The following LAMB4 variants were observed in gnomAD, a reference collection of about 807,000 sequenced individuals.
The protein encoded by LAMB4 is laminin subunit beta-4.
A neutral mutation model predicts 199.2 loss-of-function variants in LAMB4; 196 were observed. The ratio of observed to expected loss-of-function variants is 0.98; its 90% confidence interval spans 0.88 to 1.11. LAMB4 has a LOEUF of 1.11. Among genes scored for constraint, LAMB4 ranks in the 50% least tolerant of loss-of-function variants. LAMB4 has a pLI of 0.00. For missense variants in LAMB4, 2,080 were observed against 2,171.2 expected, an observed-to-expected ratio of 0.96 and a Z score of 0.83; for synonymous variants, 744 against 770.6, an observed-to-expected ratio of 0.97 and a Z score of 0.57.
At chr7:108,029,625 T>G (rs927763250) in intron 32 of LAMB4, among the ~76,000 whole-genome samples, 2 of 152,140 alleles carry the variant, frequency 1.3e-5, no homozygotes, top group African/African-American at 4.8e-5. Context: ...AAGGATATGT[T>G]ATTTGGTTGG....
At chr7:108,030,765 C>T (rs771365588) in intron 32 of LAMB4, 41 bp downstream of exon 32, 3 of 1,584,252 alleles carry the variant, frequency 1.9e-6, no homozygotes, top group Non-Finnish European at 2.6e-6. Flanking sequence ...TCAAAGAAGC[C>T]CTGCTTTTCT....
In LAMB4 at chr7:108,099,027, T is replaced by A. The variant is rs543446719; in HGVS notation, c.1181-445A>T. On this transcript the variant is annotated intron_variant, in intron 10 of 33. Transcript: ENST00000388781. Reference sequence around the variant, plus strand: ...TCTAAAAATAGATTTTAAAAAAGACTCTAAAGGTGAAAATAAGGTCAAAAT... The same window carrying A: ...TCTAAAAATAGATTTTAAAAAAGACACTAAAGGTGAAAATAAGGTCAAAAT... Among the ~76,000 whole-genome samples, 3 of 152,300 alleles carry A rather than the reference T, an allele frequency of 2.0e-5. No individual in the cohort carries two copies. The East Asian group carries it at 5.8e-4, about 29-fold the overall frequency.
chr7:108,043,543 A>ACGTT (rs2035494886), intron 29 of LAMB4, among the ~76,000 whole-genome samples: 1 of 59,694 alleles, frequency 1.7e-5, no homozygotes, highest in South Asian at 5.2e-4. Flanking sequence ...ACTGGCTATG[A>ACGTT]TGTTTTTTTT....
At chr7:108,044,981 AAAAG>A (rs896134881) in intron 28 of LAMB4, among the ~76,000 whole-genome samples, 8 of 145,822 alleles carry the variant, frequency 5.5e-5, no homozygotes, top group Non-Finnish European at 8.9e-5. Flanking sequence ...AAAAGAAAAG[AAAAG>A]AAAAAAAAGA....
intron 21 of LAMB4, among the ~76,000 whole-genome samples, chr7:108,065,116 C>T (rs2036291380): frequency 1.3e-5 from 2 of 152,104 alleles, no homozygotes; most frequent in African/African-American, 4.8e-5. Context: ...CTTTGCGGCC[C>T]AGGCTGGTCT....
rs1408716387 is a variant in LAMB4 at position 108,062,979 on chromosome 7, G to A, written c.3077C>T (p.Ala1026Val). Residue 1026 changes from alanine to valine, a missense_variant, in exon 23 of 34, where the codon GCT becomes GTT. By Grantham distance (64) the Ala-to-Val change is moderately conservative (BLOSUM62 0). Coordinates refer to ENST00000388781, the MANE Select transcript of LAMB4 (RefSeq NM_007356.3). ...NQTCRRCSCH[A>V]SGVSPMECPP... ...ACACTCCATGGGACTCACGCCGGAA[G>A]CATGGCAGGAGCATCCTGTGATGAC... The A allele has an allele frequency of 7.0e-6, 11 of 1,577,046 alleles. No homozygotes were observed. Among genetic ancestry groups the A allele is most frequent in the South Asian group, 1.2e-5 (1 of 84,506 alleles).
intron 7 of LAMB4, among the ~76,000 whole-genome samples, chr7:108,106,300 C>T (rs1389113922): frequency 6.6e-6 from 1 of 152,032 alleles, no homozygotes; most frequent in African/African-American, 2.4e-5. Context: ...TGCCTGTAAT[C>T]CCAGTTACTT....
At position 108,107,676 on chromosome 7, in the gene LAMB4, A is replaced by G; in HGVS notation, c.546T>C (p.Val182=). The G allele has an allele frequency of 6.2e-7, 1 of 1,612,310 alleles. No homozygotes were observed. The change falls in exon 6 of 34, where the codon GTT becomes GTC. Residue 182 remains valine (V), a synonymous_variant. Transcript: ENST00000388781. The stretch of plus-strand genomic sequence containing the variant: ...CAATATCCGAGTATTTGGAGTCACA[A>G]ACAATGTCTCCCACTCCCTGGGCCT... ...SGQAQGVGDI[V]CDSKYSDIEP... is the part of the protein sequence containing the mutation.
chr7:108,074,796 A>G (rs2036642288), intron 17 of LAMB4, among the ~76,000 whole-genome samples: 1 of 152,178 alleles, frequency 6.6e-6, no homozygotes, highest in Non-Finnish European at 1.5e-5. Context: ...ATAAGGAACC[A>G]TATTTTACAC....
chr7:108,067,923 C>T (rs533790741), intron 19 of LAMB4, 93 bp downstream of exon 19: 18 of 1,474,284 alleles, frequency 1.2e-5, no homozygotes, highest in Non-Finnish European at 1.7e-5. Context: ...TTTCCAATCT[C>T]CTTCCCATTA....
rs2037985753 is a variant in LAMB4 at position 108,105,839 on chromosome 7, T to C, written c.848A>G (p.Asp283Gly). 3 of 1,614,176 alleles carry C rather than the reference T, an allele frequency of 1.9e-6. No individual in the cohort carries two copies. The highest frequency in any genetic ancestry group is 1.7e-6 in the Non-Finnish European group (2 of 1,180,030). ...ECRPMQKMRG[D>G]VFSPPGMVHG... is the part of the protein sequence containing the mutation. Reference sequence around the variant, plus strand: ...CACCATTCCAGGAGGGCTGAAAACATCTCCCCGCATCTTCTGCATAGGGCG... The same window carrying C: ...CACCATTCCAGGAGGGCTGAAAACACCTCCCCGCATCTTCTGCATAGGGCG... Residue 283 changes from aspartate to glycine, a missense_variant, in exon 8 of 34, where the codon GAT (aspartate) becomes GGT (glycine). Coordinates refer to ENST00000388781, the MANE Select transcript of LAMB4 (RefSeq NM_007356.3).
Position 108,117,850 on chromosome 7 carries a change from C to T in LAMB4, c.35-1689G>A, listed in dbSNP as rs186033049. 4.6e-3 allele frequency among the ~76,000 whole-genome samples: 704 copies of T among 152,292 alleles called. 5 individuals carry two copies. Among genetic ancestry groups the T allele is most frequent in the Non-Finnish European group, 8.3e-3 (564 of 68,012 alleles). On this transcript the variant is annotated intron_variant, in intron 2 of 33. Coordinates refer to ENST00000388781, the MANE Select transcript of LAMB4 (RefSeq NM_007356.3). ...ATGACATTTGTTAACTGTCATGGCA[C>T]TGATGGGAGTGTAGCAGTGAGGACA...
At chr7:108,024,742 C>CATCCATCCATCCATCT (rs2034775384) in intron 33 of LAMB4, among the ~76,000 whole-genome samples, 1 of 152,070 alleles carries the variant, frequency 6.6e-6, no homozygotes, top group African/African-American at 2.4e-5. Context: ...TCCATCCATC[C>CATCCATCCATCCATCT]GTCCGTCCAT....
At chr7:108,040,984 A>C (rs2035402560) in intron 29 of LAMB4, among the ~76,000 whole-genome samples, 1 of 152,232 alleles carries the variant, frequency 6.6e-6, no homozygotes, top group Admixed American at 6.5e-5. Context: ...GAATGGGAGA[A>C]AATTTTTGCA....
Position 108,123,122 on chromosome 7 carries a change from A to T in LAMB4, c.34+9T>A. 1 of 1,605,932 alleles carries T rather than the reference A, an allele frequency of 6.2e-7. No homozygotes were observed. The highest frequency in any genetic ancestry group is 8.5e-7 in the Non-Finnish European group (1 of 1,177,392). On this transcript the variant is annotated intron_variant, in intron 2 of 33. Transcript: ENST00000388781. ...AAGCAGTAAATAGATTTTGACAACA[A>T]ATACTCACCAAGGTGCAAAAAAAGG...
intron 23 of LAMB4, among the ~76,000 whole-genome samples, chr7:108,061,618 A>G (rs2036161820): frequency 4.0e-5 from 6 of 151,832 alleles, no homozygotes; most frequent in Admixed American, 3.9e-4. Context: ...GGGCGCCTGT[A>G]ATCCCATCTA....
At chr7:108,046,583 A>G (rs1361343465) in intron 28 of LAMB4, among the ~76,000 whole-genome samples, 2 of 151,794 alleles carry the variant, frequency 1.3e-5, no homozygotes, top group Non-Finnish European at 2.9e-5. Flanking sequence ...TGCATTCTCA[A>G]AAAAAAAGTC....
intron 23 of LAMB4, among the ~76,000 whole-genome samples, chr7:108,059,863 C>T (rs2036104839): frequency 6.6e-6 from 1 of 152,212 alleles, no homozygotes; most frequent in South Asian, 2.1e-4. Context: ...TCCTTGTTTC[C>T]AGCCTGCATG....
chr7:108,057,442 G>A (rs2036018737), intron 24 of LAMB4, among the ~76,000 whole-genome samples: 1 of 152,118 alleles, frequency 6.6e-6, no homozygotes, highest in East Asian at 1.9e-4. Context: ...TAGCCACAAG[G>A]GCACATTTAT....
Sources: gnomAD v4.1 joint callset for allele counts (sites outside exome capture counted in the v4.1 genomes callset) on GRCh38, gnomAD v4.1.1 for gene constraint, MANE v1.5 for transcripts, NCBI Gene and HGNC (gene_info 2026-07-23, HGNC 2026-07-21) for gene names.